Variants in IL1RAPL1 observed in about 807,000 individuals in gnomAD.
The protein encoded by IL1RAPL1 is interleukin-1 receptor accessory protein-like 1.
A neutral mutation model predicts 48.4 loss-of-function variants in IL1RAPL1; 3 were observed. That is an observed-to-expected ratio of 0.06 (90% confidence interval 0.03 to 0.16). The LOEUF is 0.16. IL1RAPL1 is among the 10% of genes least tolerant of loss of function. IL1RAPL1 has a pLI of 1.00. For synonymous variants in IL1RAPL1, 185 were observed against 187.7 expected, an observed-to-expected ratio of 0.99 and a Z score of 0.12; for missense variants, 349 against 530.6, an observed-to-expected ratio of 0.66 and a Z score of 3.36.
intron 2 of IL1RAPL1, among the ~76,000 whole-genome samples, chrX:29,033,888 G>T (rs2147411425): frequency 1.0e-5 from 1 of 99,404 alleles, no homozygotes; most frequent in African/African-American, 3.5e-5. Context: ...AAAGGGAAAA[G>T]CAAGAAATGG....
intron 5 of IL1RAPL1, 24 bp downstream of exon 5, chrX:29,399,332 A>G (rs1192809564): frequency 1.1e-5 from 13 of 1,155,335 alleles, no homozygotes; most frequent in Non-Finnish European, 1.5e-5. Context: ...TCAATATTTC[A>G]CTTGCAAGTG....
chrX:29,056,332 T>A (rs1226840872), intron 2 of IL1RAPL1, among the ~76,000 whole-genome samples: 1 of 111,493 alleles, frequency 9.0e-6, no homozygotes, highest in African/African-American at 3.3e-5. Context: ...GGAAAGGAGA[T>A]CTCTTGTTTT....
intron 5 of IL1RAPL1, among the ~76,000 whole-genome samples, chrX:29,584,965 A>G (rs138382278): frequency 0.02 from 2,274 of 112,055 alleles, 60 homozygotes; most frequent in African/African-American, 0.07. Context: ...TTTTCCTTCT[A>G]GGTATCTAAA....
intron 6 of IL1RAPL1, among the ~76,000 whole-genome samples, chrX:29,690,456 T>C (rs887936638): frequency 3.6e-5 from 4 of 112,062 alleles, no homozygotes; most frequent in African/African-American, 9.7e-5. Context: ...TTTCTTATTT[T>C]CCTCTTGAGG....
intron 1 of IL1RAPL1, among the ~76,000 whole-genome samples, chrX:28,662,191 T>C (rs1934830289): frequency 9.0e-6 from 1 of 110,930 alleles, no homozygotes; most frequent in Non-Finnish European, 1.9e-5. Flanking sequence ...AGAGTTTAAC[T>C]ACGGTATTTA....
At chrX:28,663,163 C>A (rs1284318282) in intron 1 of IL1RAPL1, among the ~76,000 whole-genome samples, 1 of 111,871 alleles carries the variant, frequency 8.9e-6, no homozygotes. Flanking sequence ...CAGGTCTTAC[C>A]CCCGCCTAGA....
chrX:29,849,111 C>A (rs1931309600), intron 6 of IL1RAPL1, among the ~76,000 whole-genome samples: 1 of 108,547 alleles, frequency 9.2e-6, no homozygotes, highest in Non-Finnish European at 1.9e-5. Flanking sequence ...TCTTACCAAC[C>A]TCATGGGAAT....
chrX:28,952,334 A>C (rs745311648), intron 2 of IL1RAPL1, among the ~76,000 whole-genome samples: 1 of 111,474 alleles, frequency 9.0e-6, no homozygotes, highest in Admixed American at 9.6e-5. Flanking sequence ...ATGGGCATTT[A>C]AAAAAGTTAT....
At chrX:29,392,039 A>AT (rs201198853) in intron 3 of IL1RAPL1, among the ~76,000 whole-genome samples, 2 of 109,554 alleles carry the variant, frequency 1.8e-5, no homozygotes, top group East Asian at 2.8e-4. Context: ...AGACAACTAG[A>AT]TTTTTTTTTT....
intron 2 of IL1RAPL1, among the ~76,000 whole-genome samples, chrX:29,153,352 A>G (rs1006559244): frequency 8.9e-6 from 1 of 111,778 alleles, no homozygotes; most frequent in Admixed American, 9.6e-5. Flanking sequence ...TCGCAGGTTC[A>G]GGAGATTAGG....
chrX:29,624,905 A>G lies in IL1RAPL1; in HGVS notation c.704-43525A>G, dbSNP rs146487168. Among the ~76,000 whole-genome samples the G allele has an allele frequency of 7.7e-3, 856 of 111,624 alleles. 11 individuals are homozygous for G. Among genetic ancestry groups the G allele is most frequent in the African/African-American group, 0.026 (814 of 30,719 alleles). On this transcript the variant is annotated intron_variant, in intron 5 of 10. Coordinates refer to ENST00000378993, the MANE Select transcript of IL1RAPL1 (RefSeq NM_014271.4). ...TGACATCTATATTTATGAAATAACT[A>G]TGAATAATACAAGATGGCCACTTGA...
At chrX:29,427,873 C>T (rs1934368698) in intron 5 of IL1RAPL1, among the ~76,000 whole-genome samples, 1 of 111,444 alleles carries the variant, frequency 9.0e-6, no homozygotes, top group East Asian at 2.8e-4. Context: ...AGCTTGTGGC[C>T]TTTCATTAGC....
chrX:29,060,405 C>T (rs1927315623), intron 2 of IL1RAPL1, among the ~76,000 whole-genome samples: 1 of 111,731 alleles, frequency 9.0e-6, no homozygotes, highest in Admixed American at 9.6e-5. Flanking sequence ...AACTCCCTTT[C>T]ATTCTATTTT....
chrX:29,694,359 C>T (rs933123347), intron 6 of IL1RAPL1, among the ~76,000 whole-genome samples: 6 of 111,929 alleles, frequency 5.4e-5, no homozygotes, highest in Admixed American at 1.9e-4. Context: ...GATCCAGTCT[C>T]CACACTTATG....
intron 3 of IL1RAPL1, among the ~76,000 whole-genome samples, chrX:29,303,282 G>A (rs1932566039): frequency 8.9e-6 from 1 of 111,739 alleles, no homozygotes; most frequent in Admixed American, 9.5e-5. Flanking sequence ...GGGGAAGTTT[G>A]GGAGTGCTAC....
chrX:28,897,391 G>A lies in IL1RAPL1; in HGVS notation c.82+107966G>A, dbSNP rs149449293. ...GTCTTCCCGAGCCCGTGACCAGCAC[G>A]GGAGTTTTGGGTCCACGGATAAAAC... On this transcript the variant is annotated intron_variant, in intron 2 of 10. Coordinates refer to ENST00000378993, the MANE Select transcript of IL1RAPL1 (RefSeq NM_014271.4). Among the ~76,000 whole-genome samples the A allele has an allele frequency of 8.5e-3, 949 of 111,817 alleles. 12 individuals are homozygous for A. The highest frequency in any genetic ancestry group is 0.029 in the African/African-American group (888 of 30,771).
chrX:28,725,376 A>G (rs1174708959), intron 1 of IL1RAPL1, among the ~76,000 whole-genome samples: 1 of 112,336 alleles, frequency 8.9e-6, no homozygotes, highest in Non-Finnish European at 1.9e-5. Context: ...ACAAGAAAGG[A>G]TAATTGCTGT....
rs1928464847 is a variant in IL1RAPL1 at position 29,107,173 on chromosome X, A to G, written c.83-175765A>G. Among the ~76,000 whole-genome samples, 3 of 112,176 alleles carry G rather than the reference A, an allele frequency of 2.7e-5. No homozygotes were observed. In the South Asian group the frequency reaches 1.1e-3, roughly 41 times the overall value. On this transcript the variant is annotated intron_variant, in intron 2 of 10. Coordinates refer to ENST00000378993, the MANE Select transcript of IL1RAPL1 (RefSeq NM_014271.4). ...GTAATCGTTTTCAGTGATCTGAAAT[A>G]CTTACGAAGAAGTTAGGATCTTTGC... is the stretch of plus-strand genomic sequence containing the variant.
At chrX:29,950,990 T>C (rs1933308113) in intron 9 of IL1RAPL1, among the ~76,000 whole-genome samples, 1 of 111,400 alleles carries the variant, frequency 9.0e-6, no homozygotes, top group Non-Finnish European at 1.9e-5. Flanking sequence ...CCCTAATGTC[T>C]TTTCATGAAT....
Sources: gnomAD v4.1 joint callset for allele counts (sites outside exome capture counted in the v4.1 genomes callset) on GRCh38, gnomAD v4.1.1 for gene constraint, MANE v1.5 for transcripts, NCBI Gene and HGNC (gene_info 2026-07-23, HGNC 2026-07-21) for gene names.